Variants in SYNPR observed in about 807,000 individuals in gnomAD.
SYNPR encodes synaptoporin.
A neutral mutation model predicts 32.9 loss-of-function variants in SYNPR; 23 were observed. The observed-to-expected ratio is 0.70, with a 90% CI of 0.50 to 0.99. SYNPR has a LOEUF of 0.99. SYNPR is among the 50% of genes least tolerant of loss of function. The pLI, the probability that SYNPR is intolerant of heterozygous loss-of-function variation, is 0.00. For missense variants in SYNPR, 318 were observed against 349.3 expected, an observed-to-expected ratio of 0.91 and a Z score of 0.71; for synonymous variants, 146 against 135.9, an observed-to-expected ratio of 1.07 and a Z score of -0.52.
At chr3:63,511,630 C>G (rs1279203111) in intron 3 of SYNPR, among the ~76,000 whole-genome samples, 1 of 152,146 alleles carries the variant, frequency 6.6e-6, no homozygotes, top group Non-Finnish European at 1.5e-5. Flanking sequence ...CCAGTAAGTT[C>G]TTTGTCTCTC....
intron 2 of SYNPR, among the ~76,000 whole-genome samples, chr3:63,318,116 G>C (rs2087062288): frequency 6.6e-6 from 1 of 152,072 alleles, no homozygotes; most frequent in African/African-American, 2.4e-5. Flanking sequence ...TTTCTGCTGA[G>C]AAATCTGCTG....
chr3:63,305,536 T>G (rs981683852), intron 2 of SYNPR, among the ~76,000 whole-genome samples: 1 of 151,996 alleles, frequency 6.6e-6, no homozygotes, highest in East Asian at 1.9e-4. Flanking sequence ...TTACAAAAAT[T>G]TTATGTTTTC....
chr3:63,249,948 A>G (rs992818563), intron 1 of SYNPR, among the ~76,000 whole-genome samples: 3 of 152,124 alleles, frequency 2.0e-5, no homozygotes, highest in African/African-American at 7.2e-5. Flanking sequence ...TGACATCAAG[A>G]AAATATTTGG....
intron 2 of SYNPR, among the ~76,000 whole-genome samples, chr3:63,407,046 G>T (rs552367484): frequency 9.9e-5 from 15 of 152,260 alleles, no homozygotes; most frequent in African/African-American, 3.6e-4. Context: ...ATAATTGGAG[G>T]ATTGAAAATA....
intron 2 of SYNPR, among the ~76,000 whole-genome samples, chr3:63,353,605 A>C (rs1018229344): frequency 3.3e-5 from 5 of 152,202 alleles, no homozygotes; most frequent in African/African-American, 9.6e-5. Flanking sequence ...CTAGGCAGTC[A>C]CAGTCCTGCC....
chr3:63,348,761 C>G (rs780587333), intron 2 of SYNPR, among the ~76,000 whole-genome samples: 2 of 152,130 alleles, frequency 1.3e-5, no homozygotes, highest in Non-Finnish European at 2.9e-5. Flanking sequence ...TCCAATTTTT[C>G]TCAGCACCAT....
intron 2 of SYNPR, among the ~76,000 whole-genome samples, chr3:63,474,098 G>C (rs537507051): frequency 1.3e-5 from 2 of 152,200 alleles, no homozygotes; most frequent in Admixed American, 1.3e-4. Context: ...TGAGCAGGTT[G>C]CTTCTGTGGG....
intron 2 of SYNPR, among the ~76,000 whole-genome samples, chr3:63,460,916 A>G (rs762595286): frequency 5.9e-5 from 9 of 152,122 alleles, no homozygotes; most frequent in Non-Finnish European, 1.2e-4. Flanking sequence ...GCCTGAACTA[A>G]GGCACTAGCA....
At chr3:63,455,380 C>T (rs1261858334) in intron 2 of SYNPR, among the ~76,000 whole-genome samples, 1 of 152,108 alleles carries the variant, frequency 6.6e-6, no homozygotes. Flanking sequence ...TCACATTACA[C>T]TGTTCAAACT....
chr3:63,311,726 T>C (rs1292854721), intron 2 of SYNPR, among the ~76,000 whole-genome samples: 2 of 152,036 alleles, frequency 1.3e-5, no homozygotes, highest in Non-Finnish European at 2.9e-5. Context: ...TATGTGTATA[T>C]ATAATAAGTA....
At chr3:63,410,233 T>A (rs772386538) in intron 2 of SYNPR, among the ~76,000 whole-genome samples, 1 of 152,126 alleles carries the variant, frequency 6.6e-6, no homozygotes, top group Non-Finnish European at 1.5e-5. Context: ...GACATGACAA[T>A]TGTCTTTATC....
At chr3:63,343,035 A>C (rs2107004859) in intron 2 of SYNPR, among the ~76,000 whole-genome samples, 1 of 152,328 alleles carries the variant, frequency 6.6e-6, no homozygotes, top group South Asian at 2.1e-4. Context: ...GCCTGAAGGG[A>C]TCAATCATGG....
At chr3:63,225,313 T>C (rs147309974), upstream of SYNPR, among the ~76,000 whole-genome samples, 676 of 152,342 alleles carry the variant, frequency 4.4e-3, 4 homozygotes, top group African/African-American at 0.016. Flanking sequence ...TCTGTGGAGC[T>C]ACCAGCTTCT....
intron 3 of SYNPR, among the ~76,000 whole-genome samples, chr3:63,482,643 T>C (rs1701070515): frequency 6.6e-6 from 1 of 152,222 alleles, no homozygotes; most frequent in African/African-American, 2.4e-5. Context: ...TTACATTTAC[T>C]GTCTACTGTT....
chr3:63,582,087 C>A (rs1703103290), intron 4 of SYNPR, among the ~76,000 whole-genome samples: 1 of 146,460 alleles, frequency 6.8e-6, no homozygotes, highest in African/African-American at 2.6e-5. Context: ...ATGTTGCATA[C>A]TTACCTCCAG....
chr3:63,441,519 T>G (rs188557965), intron 2 of SYNPR, among the ~76,000 whole-genome samples: 1 of 152,352 alleles, frequency 6.6e-6, no homozygotes, highest in African/African-American at 2.4e-5. Flanking sequence ...CAGTCAATCC[T>G]TCATTTATTT....
intron 1 of SYNPR, among the ~76,000 whole-genome samples, chr3:63,239,247 GAC>G (rs2086220403): frequency 1.7e-5 from 2 of 118,510 alleles, no homozygotes; most frequent in African/African-American, 6.4e-5. Flanking sequence ...AGTAAAGTGT[GAC>G]ATGTGTCACA....
intron 3 of SYNPR, among the ~76,000 whole-genome samples, chr3:63,541,863 C>T (rs78458862): frequency 0.021 from 3,129 of 152,196 alleles, 109 homozygotes; most frequent in African/African-American, 0.071. Flanking sequence ...CAACTGTCTT[C>T]TCAAGAGGGC....
At chr3:63,571,235 G>A (rs187738425) in intron 4 of SYNPR, among the ~76,000 whole-genome samples, 31 of 152,228 alleles carry the variant, frequency 2.0e-4, no homozygotes, top group African/African-American at 6.0e-4. Context: ...AAGTTTTACT[G>A]TTGTGCACTT....
Sources: allele counts gnomAD v4.1 joint callset (sites outside exome capture counted in the v4.1 genomes callset), GRCh38; gene constraint gnomAD v4.1.1; transcripts MANE v1.5; gene names NCBI Gene and HGNC (gene_info 2026-07-23, HGNC 2026-07-21).